The following DDX10 variants were observed in gnomAD, a reference collection of about 807,000 sequenced individuals.
DDX10 encodes DEAD-box helicase 10, also known as probable ATP-dependent RNA helicase DDX10.
DDX10 carries 74 observed loss-of-function variants against 104.3 expected under a neutral mutation model. That is an observed-to-expected ratio of 0.71 (90% confidence interval 0.59 to 0.86). The LOEUF (loss-of-function observed/expected upper bound fraction) is 0.86. DDX10 is among the 40% of genes least tolerant of loss of function. The pLI, the probability that DDX10 is intolerant of heterozygous loss-of-function variation, is 0.00. For synonymous variants in DDX10, 351 were observed against 353.4 expected (o/e 0.99, Z 0.08); for missense variants, 952 against 1,040.0 (o/e 0.92, Z 1.16).
intron 13 of DDX10, among the ~76,000 whole-genome samples, chr11:108,819,675 T>C (rs1168554903): frequency 1.3e-5 from 2 of 152,108 alleles, no homozygotes; most frequent in African/African-American, 2.4e-5. Context: ...CTCAGCTCAC[T>C]ATAACCTCCG....
At chr11:108,686,340 G>C (rs1591791509) in intron 6 of DDX10, among the ~76,000 whole-genome samples, 1 of 152,122 alleles carries the variant, frequency 6.6e-6, no homozygotes, top group Non-Finnish European at 1.5e-5. Flanking sequence ...TATGTCTACT[G>C]TTATAGTATT....
intron 17 of DDX10, among the ~76,000 whole-genome samples, chr11:108,924,707 T>A (rs1863885707): frequency 6.6e-6 from 1 of 152,216 alleles, no homozygotes; most frequent in African/African-American, 2.4e-5. Flanking sequence ...ATCTCTTAAA[T>A]AAGTTTTGCT....
intron 13 of DDX10, among the ~76,000 whole-genome samples, chr11:108,756,535 T>C (rs1385368830): frequency 3.9e-5 from 6 of 152,084 alleles, no homozygotes; most frequent in African/African-American, 1.2e-4. Flanking sequence ...TGGATTTGTC[T>C]GTTGATTTAA....
chr11:108,691,379 T>C lies in DDX10; in HGVS notation c.976-497T>C, dbSNP rs1182087190. On this transcript the variant is annotated intron_variant, in intron 7 of 17. Transcript: ENST00000322536. ...TCTAGTAATCCATAGTATCCATTTA[T>C]GGGTACAAAAAGAGAACCAGAACAA... Among the ~76,000 whole-genome samples, 3 of 152,212 alleles carry C rather than the reference T, an allele frequency of 2.0e-5. No individual in the cohort carries two copies. In the East Asian group the frequency reaches 5.8e-4, roughly 29 times the overall value.
chr11:108,895,499 TA>T (rs1274034965), intron 16 of DDX10, among the ~76,000 whole-genome samples: 1 of 152,054 alleles, frequency 6.6e-6, no homozygotes, highest in Admixed American at 6.6e-5. Context: ...TTTCAGACCA[TA>T]AAGGACTTAT....
chr11:108,698,586 T>G (rs1010076141), intron 9 of DDX10, among the ~76,000 whole-genome samples: 3 of 151,974 alleles, frequency 2.0e-5, no homozygotes, highest in African/African-American at 7.3e-5. Flanking sequence ...TTCTTAGGAG[T>G]CTATTTCCCA....
intron 13 of DDX10, among the ~76,000 whole-genome samples, chr11:108,759,063 C>T (rs149693293): frequency 2.8e-4 from 43 of 152,116 alleles, no homozygotes; most frequent in African/African-American, 9.9e-4. Context: ...TATAGTAGTG[C>T]TATTATAGTA....
In DDX10 at chr11:108,691,938, T is replaced by C. The variant is rs374973727; in HGVS notation, c.1038T>C (p.His346=). The C allele has an allele frequency of 8.7e-6, 14 of 1,614,166 alleles. No individual in the cohort carries two copies. Among genetic ancestry groups the C allele is most frequent in the Non-Finnish European group, 1.1e-5 (13 of 1,180,024 alleles). The part of the protein sequence containing the change: ...LRPGVSILAL[H]GRQQQMRRME... ...CTGGTGTTTCTATCCTTGCACTCCA[T>C]GGTCGACAGCAGCAAATGAGAAGAA... Residue 346 remains histidine, a synonymous_variant, in exon 8 of 18, where the codon CAT becomes CAC. Coordinates refer to ENST00000322536, the MANE Select transcript of DDX10 (RefSeq NM_004398.4).
intron 16 of DDX10, among the ~76,000 whole-genome samples, chr11:108,898,811 A>G (rs923205173): frequency 6.6e-6 from 1 of 152,160 alleles, no homozygotes; most frequent in Non-Finnish European, 1.5e-5. Context: ...AGAAGAGCAG[A>G]GGGGCTTTGG....
intron 9 of DDX10, among the ~76,000 whole-genome samples, chr11:108,705,531 T>C (rs1239350537): frequency 1.3e-5 from 2 of 152,212 alleles, no homozygotes; most frequent in Non-Finnish European, 2.9e-5. Context: ...TTCTCTTGAC[T>C]GTTTTACTTG....
chr11:108,744,906 G>A (rs1318751141), intron 13 of DDX10, among the ~76,000 whole-genome samples: 1 of 152,172 alleles, frequency 6.6e-6, no homozygotes, highest in Non-Finnish European at 1.5e-5. Flanking sequence ...TGTTAGATGT[G>A]ATAGGTGAAG....
In DDX10 at chr11:108,883,343, T is replaced by A. The variant is rs560589796; in HGVS notation, c.2304+31134T>A. On this transcript the variant is annotated intron_variant, in intron 16 of 17. Coordinates refer to ENST00000322536, the MANE Select transcript of DDX10 (RefSeq NM_004398.4). ...TTATTTTTTGTTATATCATATTCTT[T>A]CCTGCATCTGTGCCTTTCCATCTGT... Among the ~76,000 whole-genome samples, 3 of 152,338 alleles carry A rather than the reference T, an allele frequency of 2.0e-5. No homozygotes were observed. The South Asian group carries it at 6.2e-4, about 32-fold the overall frequency.
At chr11:108,936,591 A>G (rs528129385) in intron 17 of DDX10, among the ~76,000 whole-genome samples, 15 of 152,174 alleles carry the variant, frequency 9.9e-5, no homozygotes, top group African/African-American at 3.6e-4. Flanking sequence ...ATACAAATGG[A>G]CTCTCTCTTT....
intron 12 of DDX10, among the ~76,000 whole-genome samples, chr11:108,720,681 C>T (rs533400993): frequency 6.6e-6 from 1 of 152,160 alleles, no homozygotes; most frequent in African/African-American, 2.4e-5. Flanking sequence ...TCCTTGACCT[C>T]CCAGGCTTAG....
At chr11:108,729,555 G>A (rs7934946) in intron 13 of DDX10, among the ~76,000 whole-genome samples, 8,220 of 151,914 alleles carry the variant, frequency 0.054, 731 homozygotes, top group African/African-American at 0.19. Context: ...AACAAAACAA[G>A]GAAGAACAAA....
At chr11:108,935,744 C>T (rs973281371) in intron 17 of DDX10, among the ~76,000 whole-genome samples, 3 of 152,116 alleles carry the variant, frequency 2.0e-5, no homozygotes, top group African/African-American at 7.2e-5. Flanking sequence ...ATGATGACTT[C>T]CAACCTTTTC....
At chr11:108,674,357 G>C (rs1411513220) in intron 2 of DDX10, among the ~76,000 whole-genome samples, 1 of 151,986 alleles carries the variant, frequency 6.6e-6, no homozygotes, top group Non-Finnish European at 1.5e-5. Flanking sequence ...ATATGTATAT[G>C]CTGTGGAATG....
chr11:108,768,354 A>G (rs893148616), intron 13 of DDX10, among the ~76,000 whole-genome samples: 2 of 152,222 alleles, frequency 1.3e-5, no homozygotes, highest in South Asian at 4.1e-4. Flanking sequence ...TTCTATCTAT[A>G]CATTTATCTT....
intron 15 of DDX10, among the ~76,000 whole-genome samples, chr11:108,845,875 G>A (rs890618804): frequency 1.4e-4 from 21 of 152,176 alleles, no homozygotes; most frequent in African/African-American, 2.2e-4. Context: ...TTGCTCTTGC[G>A]TTTAAAAGTT....
Sources: allele counts gnomAD v4.1 joint callset (sites outside exome capture counted in the v4.1 genomes callset), GRCh38; gene constraint gnomAD v4.1.1; transcripts MANE v1.5; gene names NCBI Gene and HGNC (gene_info 2026-07-23, HGNC 2026-07-21).